KIF16B: variants seen among roughly 807,000 people sequenced by gnomAD.
KIF16B encodes kinesin family member 16B.
A neutral mutation model predicts 156.3 loss-of-function variants in KIF16B; 98 were observed. The observed-to-expected ratio is 0.63, with a 90% CI of 0.53 to 0.74. The LOEUF is 0.74. Among genes scored for constraint, KIF16B ranks in the 30% least tolerant of loss-of-function variants. The pLI, the probability that KIF16B is intolerant of heterozygous loss-of-function variation, is 0.00. For missense variants in KIF16B, 1,421 were observed against 1,606.5 expected, an observed-to-expected ratio of 0.88 and a Z score of 1.97; for synonymous variants, 564 against 583.7, an observed-to-expected ratio of 0.97 and a Z score of 0.49.
At chr20:16,464,692 G>A (rs1407332890) in intron 12 of KIF16B, among the ~76,000 whole-genome samples, 1 of 152,098 alleles carries the variant, frequency 6.6e-6, no homozygotes, top group South Asian at 2.1e-4. Flanking sequence ...CTTATAACAG[G>A]CATATACTCC....
intron 1 of KIF16B, among the ~76,000 whole-genome samples, chr20:16,546,075 TG>T (rs2070394711): frequency 6.6e-6 from 1 of 152,228 alleles, no homozygotes; most frequent in African/African-American, 2.4e-5. Flanking sequence ...GATGGAATTT[TG>T]GTTTCTTGTC....
rs12106043 is a variant in KIF16B at position 16,528,017 on chromosome 20, T to C, written c.117+354A>G. Reference sequence around the variant, plus strand: ...TCTTCATTAAAAATGGAAAAAAATATAGGGGCAAAGCTTATTTAATGTTCA... The same window carrying C: ...TCTTCATTAAAAATGGAAAAAAATACAGGGGCAAAGCTTATTTAATGTTCA... On this transcript the variant is annotated intron_variant, in intron 2 of 25. Transcript: ENST00000354981. 9.2e-3 allele frequency among the ~76,000 whole-genome samples: 1,401 copies of C among 152,080 alleles called. 18 individuals carry two copies. The highest frequency in any genetic ancestry group is 0.033 in the African/African-American group (1,348 of 41,454).
At chr20:16,351,392 T>C (rs2064335925) in intron 23 of KIF16B, among the ~76,000 whole-genome samples, 1 of 152,240 alleles carries the variant, frequency 6.6e-6, no homozygotes, top group Non-Finnish European at 1.5e-5. Flanking sequence ...TTACCCACTC[T>C]GGTCCTAACT....
intron 23 of KIF16B, among the ~76,000 whole-genome samples, chr20:16,340,476 C>T (rs1353639888): frequency 3.9e-5 from 6 of 152,230 alleles, no homozygotes; most frequent in Admixed American, 3.3e-4. Flanking sequence ...TTGGTCACTG[C>T]ACCTTAGAAC....
At position 16,480,308 on chromosome 20, in the gene KIF16B, T is replaced by C. The variant is rs73098999; in HGVS notation, c.1302+13983A>G. Among the ~76,000 whole-genome samples, 119 of 152,276 alleles carry C rather than the reference T, an allele frequency of 7.8e-4. 1 individual carries two copies. The highest frequency in any genetic ancestry group is 1.4e-3 in the Non-Finnish European group (97 of 68,020). On this transcript the variant is annotated intron_variant, in intron 12 of 25. Transcript: ENST00000354981. ...CCTCGCACCCAAGACATGGGCCCTC[T>C]ATACAGCCTCCTAAGGAAGAATCCG...
At chr20:16,556,132 A>G (rs568783205) in intron 1 of KIF16B, among the ~76,000 whole-genome samples, 1 of 152,312 alleles carries the variant, frequency 6.6e-6, no homozygotes, top group East Asian at 1.9e-4. Flanking sequence ...GAGGTGGTCC[A>G]GTACCAACAG....
intron 11 of KIF16B, among the ~76,000 whole-genome samples, chr20:16,497,095 A>C (rs1050194818): frequency 1.3e-5 from 2 of 152,076 alleles, no homozygotes; most frequent in African/African-American, 4.8e-5. Flanking sequence ...GCTTTAGCCC[A>C]TAACAGCTCC....
At chr20:16,470,675 T>TC (rs1568572453) in intron 12 of KIF16B, among the ~76,000 whole-genome samples, 2 of 151,076 alleles carry the variant, frequency 1.3e-5, no homozygotes, top group Non-Finnish European at 1.5e-5. Context: ...TTTTTTTTTT[T>TC]TGGTAGAGAC....
chr20:16,567,499 C>T (rs1047303152), intron 1 of KIF16B, among the ~76,000 whole-genome samples: 1 of 152,186 alleles, frequency 6.6e-6, no homozygotes, highest in Non-Finnish European at 1.5e-5. Flanking sequence ...CCATGGGCTT[C>T]TGTCATCTGT....
intron 17 of KIF16B, among the ~76,000 whole-genome samples, chr20:16,383,852 G>A (rs1302715145): frequency 6.6e-6 from 1 of 152,206 alleles, no homozygotes; most frequent in Non-Finnish European, 1.5e-5. Context: ...AGTGTCACGT[G>A]TGCACAGCCA....
At chr20:16,511,299 T>C (rs1200043563) in intron 6 of KIF16B, 119 bp downstream of exon 6, 3 of 524,446 alleles carry the variant, frequency 5.7e-6, no homozygotes, top group Non-Finnish European at 1.0e-5. Flanking sequence ...CTTACTATAA[T>C]AAAATTCCAA....
At chr20:16,498,386 A>G (rs1395001913) in intron 10 of KIF16B, among the ~76,000 whole-genome samples, 1 of 152,118 alleles carries the variant, frequency 6.6e-6, no homozygotes, top group African/African-American at 2.4e-5. Context: ...CCTTGGAAGA[A>G]AAAAGAAAGA....
intron 1 of KIF16B, among the ~76,000 whole-genome samples, chr20:16,531,039 T>G (rs1252382037): frequency 6.6e-6 from 1 of 152,082 alleles, no homozygotes; most frequent in Non-Finnish European, 1.5e-5. Context: ...TTGGGGTAAT[T>G]TGTTATACAC....
chr20:16,459,650 A>C (rs2067295210), intron 12 of KIF16B, among the ~76,000 whole-genome samples: 1 of 152,212 alleles, frequency 6.6e-6, no homozygotes, highest in Non-Finnish European at 1.5e-5. Flanking sequence ...TGTTTAAATT[A>C]TTCTACTTTA....
intron 12 of KIF16B, among the ~76,000 whole-genome samples, chr20:16,492,483 G>A (rs892072327): frequency 2.0e-5 from 3 of 152,180 alleles, no homozygotes; most frequent in African/African-American, 7.2e-5. Context: ...CACCTAGCAT[G>A]CATCACATTT....
chr20:16,523,500 G>C (rs942088526), intron 3 of KIF16B, among the ~76,000 whole-genome samples: 2 of 152,092 alleles, frequency 1.3e-5, no homozygotes, highest in Non-Finnish European at 2.9e-5. Context: ...CCCCTTCAAG[G>C]AGAAGTACAA....
intron 23 of KIF16B, among the ~76,000 whole-genome samples, chr20:16,338,391 C>T (rs1320296596): frequency 6.6e-6 from 1 of 152,184 alleles, no homozygotes; most frequent in South Asian, 2.1e-4. Flanking sequence ...GGCAGCCATT[C>T]ACCCTGGTTG....
intron 22 of KIF16B, chr20:16,368,673 T>A: frequency 1.0e-6 from 1 of 985,946 alleles, no homozygotes; most frequent in Non-Finnish European, 1.2e-6. Context: ...CATCCAACTC[T>A]TCCTCACCTT....
intron 12 of KIF16B, among the ~76,000 whole-genome samples, chr20:16,455,118 G>A (rs904405567): frequency 2.6e-5 from 4 of 152,126 alleles, no homozygotes; most frequent in Admixed American, 6.5e-5. Context: ...ATTCTACAAC[G>A]ATAATCAAAG....
Sources: allele counts gnomAD v4.1 joint callset (sites outside exome capture counted in the v4.1 genomes callset), GRCh38; gene constraint gnomAD v4.1.1; transcripts MANE v1.5; gene names NCBI Gene and HGNC (gene_info 2026-07-23, HGNC 2026-07-21).